Variants in GLIS1 observed in about 807,000 individuals in gnomAD.
GLIS1 encodes the protein zinc finger protein GLIS1.
GLIS1 carries 24 observed loss-of-function variants against 63.8 expected under a neutral mutation model. The ratio of observed to expected loss-of-function variants is 0.38; its 90% CI spans 0.27 to 0.53. GLIS1 has a LOEUF of 0.53. GLIS1 is among the 20% of genes least tolerant of loss of function. GLIS1 has a pLI of 0.85. For missense variants in GLIS1, 1,036 were observed against 1,074.1 expected (o/e 0.96, Z 0.50); for synonymous variants, 450 against 482.5 (o/e 0.93, Z 0.88).
In GLIS1 at chr1:53,507,850, G is replaced by C. The variant is rs186409855; in HGVS notation, c.2231-1074C>G. Among the ~76,000 whole-genome samples, 21 of 152,314 alleles carry C rather than the reference G, an allele frequency of 1.4e-4. No homozygotes were observed. The East Asian group carries it at 3.9e-3, about 28-fold the overall frequency. On this transcript the variant is annotated intron_variant, in intron 10 of 10. Coordinates refer to ENST00000628545, the MANE Select transcript of GLIS1 (RefSeq NM_001367484.1). ...GCTGCTCAGCTGAGAAATCCCATGT[G>C]GGCTGGATGGGGGTGGGGAGGACAA...
At chr1:53,516,298 G>C (rs1644351940) in intron 7 of GLIS1, among the ~76,000 whole-genome samples, 1 of 152,192 alleles carries the variant, frequency 6.6e-6, no homozygotes, top group Non-Finnish European at 1.5e-5. Flanking sequence ...TACCTTCTCA[G>C]TTGGTTGGGG....
intron 4 of GLIS1, among the ~76,000 whole-genome samples, chr1:53,547,729 G>C (rs990286078): frequency 6.6e-6 from 1 of 152,260 alleles, no homozygotes; most frequent in Non-Finnish European, 1.5e-5. Flanking sequence ...ATCAGGCTCA[G>C]ACTGGGTTTA....
chr1:53,576,198 C>G (rs1016584480), intron 4 of GLIS1, among the ~76,000 whole-genome samples: 54 of 152,086 alleles, frequency 3.6e-4, no homozygotes, highest in Admixed American at 1.4e-3. Flanking sequence ...CCAGGCCCAG[C>G]CACATTGGGT....
chr1:53,584,009 C>T (rs1449533666), intron 4 of GLIS1, among the ~76,000 whole-genome samples: 1 of 152,228 alleles, frequency 6.6e-6, no homozygotes, highest in Non-Finnish European at 1.5e-5. Context: ...GCCTGGCCCA[C>T]GGGTGCCCAG....
chr1:53,646,712 A>C lies in GLIS1; in HGVS notation c.260-46434T>G, dbSNP rs1057034988. Among the ~76,000 whole-genome samples the C allele has an allele frequency of 6.6e-6, 1 of 152,140 alleles. No individual in the cohort carries two copies. Among genetic ancestry groups the C allele is most frequent in the Admixed American group, 6.5e-5 (1 of 15,272 alleles). The stretch of plus-strand genomic sequence containing the variant: ...GTGGTCCCAGCTACTTGGGAGGCTA[A>C]GGGAGGAGGACTGTTTGAACCTGGT... On this transcript the variant is annotated intron_variant, in intron 2 of 10. Coordinates refer to ENST00000628545, the MANE Select transcript of GLIS1 (RefSeq NM_001367484.1). The surrounding 1 kb of genome is among the most constrained non-coding windows in gnomAD (Gnocchi z 4.2).
intron 2 of GLIS1, among the ~76,000 whole-genome samples, chr1:53,668,068 T>A (rs1463226248): frequency 6.6e-6 from 1 of 152,202 alleles, no homozygotes; most frequent in Non-Finnish European, 1.5e-5. Context: ...CACCGCAGCA[T>A]CTGCTCCATT....
intron 4 of GLIS1, among the ~76,000 whole-genome samples, chr1:53,530,789 C>T (rs1644522263): frequency 6.6e-6 from 1 of 152,232 alleles, no homozygotes; most frequent in Non-Finnish European, 1.5e-5. Context: ...AAAGTCAGCT[C>T]AAATGCTGCC....
At chr1:53,603,259 T>A (rs888533369) in intron 2 of GLIS1, among the ~76,000 whole-genome samples, 2 of 152,118 alleles carry the variant, frequency 1.3e-5, no homozygotes, top group Admixed American at 1.3e-4. Flanking sequence ...GCTGGGACCC[T>A]CACAGCGCTC....
At chr1:53,536,924 A>G (rs1353539069) in intron 4 of GLIS1, among the ~76,000 whole-genome samples, 2 of 151,014 alleles carry the variant, frequency 1.3e-5, no homozygotes, top group Non-Finnish European at 2.9e-5. Flanking sequence ...CAATTCCCAC[A>G]TGTGGGGTGT....
intron 2 of GLIS1, among the ~76,000 whole-genome samples, chr1:53,669,840 C>T (rs1646133436): frequency 6.6e-6 from 1 of 152,200 alleles, no homozygotes; most frequent in African/African-American, 2.4e-5. Flanking sequence ...CATCTGTTGG[C>T]TGAACTGAAG....
intron 2 of GLIS1, among the ~76,000 whole-genome samples, chr1:53,633,367 TGA>T (rs796658761): frequency 9.6e-5 from 14 of 146,282 alleles, no homozygotes; most frequent in African/African-American, 3.3e-4. Flanking sequence ...GGCATGTGAA[TGA>T]GTGTGACTGA....
intron 2 of GLIS1, among the ~76,000 whole-genome samples, chr1:53,641,956 T>C (rs1474429015): frequency 6.6e-6 from 1 of 152,244 alleles, no homozygotes; most frequent in Admixed American, 6.5e-5. Flanking sequence ...CCTCCCATCC[T>C]GGGCTGACCC....
rs371225312 is a variant in GLIS1, at chr1:53,508,252, G to A, written c.2230+868C>T. On this transcript the variant is annotated intron_variant, in intron 10 of 10. Coordinates refer to ENST00000628545, the MANE Select transcript of GLIS1 (RefSeq NM_001367484.1). Reference sequence around the variant, plus strand: ...CCACCTGTGCAAGCCCCGCAAGCACGGGCACACGCAGACACCTGGCACGGG... The same window carrying A: ...CCACCTGTGCAAGCCCCGCAAGCACAGGCACACGCAGACACCTGGCACGGG... Among the ~76,000 whole-genome samples the A allele has an allele frequency of 2.6e-4, 39 of 152,360 alleles. No homozygotes were observed. In the East Asian group the frequency reaches 6.0e-3, roughly 23 times the overall value.
chr1:53,647,861 A>C (rs1333170129), intron 2 of GLIS1, among the ~76,000 whole-genome samples: 1 of 152,196 alleles, frequency 6.6e-6, no homozygotes, highest in Non-Finnish European at 1.5e-5. Flanking sequence ...TACACGAAAA[A>C]AGGCAAACAA....
At chr1:53,666,026 G>T (rs967955489) in intron 2 of GLIS1, among the ~76,000 whole-genome samples, 1 of 152,176 alleles carries the variant, frequency 6.6e-6, no homozygotes, top group Non-Finnish European at 1.5e-5. Flanking sequence ...TTTGCTCATA[G>T]TCACAAATTT....
Position 53,509,196 on chromosome 1 carries a change from C to A in GLIS1, c.2154G>T (p.Leu718=). 6.2e-7 allele frequency: 1 copy of A among 1,600,094 alleles called. No individual in the cohort carries two copies. The highest frequency in any genetic ancestry group is 8.5e-7 in the Non-Finnish European group (1 of 1,174,000). ...GGTTGAAACCGTGGGTCTCCCCGAC[C>A]AGTCCGTCCCCACCGGCTGCTGGTT... ...MAEPAAGGDG[L]VGETHGFNPL... is the part of the protein sequence containing the mutation. Residue 718 remains leucine, a synonymous_variant, in exon 10 of 11, where the codon CTG becomes CTT. Coordinates refer to ENST00000628545, the MANE Select transcript of GLIS1 (RefSeq NM_001367484.1).
intron 2 of GLIS1, among the ~76,000 whole-genome samples, chr1:53,724,846 A>T (rs923625961): frequency 6.6e-6 from 1 of 152,172 alleles, no homozygotes; most frequent in Non-Finnish European, 1.5e-5. Context: ...ATTCATTTTT[A>T]AAAAGATGAT....
chr1:53,619,337 C>T (rs1299556235), intron 2 of GLIS1, among the ~76,000 whole-genome samples: 1 of 152,240 alleles, frequency 6.6e-6, no homozygotes, highest in African/African-American at 2.4e-5. Context: ...ATGAGGTGCA[C>T]ACCTGCCTTC....
At chr1:53,665,841 TGAC>T (rs1646085877) in intron 2 of GLIS1, among the ~76,000 whole-genome samples, 1 of 152,150 alleles carries the variant, frequency 6.6e-6, no homozygotes, top group African/African-American at 2.4e-5. Context: ...TCAAATACAA[TGAC>T]GCCTAAGAAC....
Sources: gnomAD v4.1 joint callset for allele counts (sites outside exome capture counted in the v4.1 genomes callset) on GRCh38, gnomAD v4.1.1 for gene constraint, Gnocchi (gnomAD v3.1) non-coding constraint, MANE v1.5 for transcripts, NCBI Gene and HGNC (gene_info 2026-07-23, HGNC 2026-07-21) for gene names.